The following MRPL2 variants were observed in gnomAD, a reference collection of about 807,000 sequenced individuals.
MRPL2 encodes the protein large ribosomal subunit protein uL2m.
Under a neutral mutation model 34.6 loss-of-function variants are expected in MRPL2, and 27 were observed. The observed-to-expected ratio is 0.78, with a 90% CI of 0.58 to 1.08. The LOEUF (loss-of-function observed/expected upper bound fraction) is 1.08, where lower values mean the gene tolerates loss of function less well. MRPL2 is among the 50% of genes least tolerant of loss of function. The probability of loss-of-function intolerance (pLI) is 0.00; values close to 1 mark genes in which losing one functional copy is unlikely to be tolerated. For missense variants in MRPL2, 414 were observed against 419.3 expected (o/e 0.99, Z 0.11); for synonymous variants, 155 against 158.0 (o/e 0.98, Z 0.14).
rs1056588689 is a variant in MRPL2 at position 43,058,173 on chromosome 6, C to T, written c.157G>A (p.Val53Ile). ...SALMLLPCRP[V>I]LTSVALNANF... ...GCATTAAGGGCCACAGAAGTAAGAACTGGGCGGCAGGGGAGCAACATCAAG... is the reference window on the plus strand; with the variant it reads ...GCATTAAGGGCCACAGAAGTAAGAATTGGGCGGCAGGGGAGCAACATCAAG... The change falls in exon 2 of 7, where the codon GTT becomes ATT. Residue 53 changes from valine to isoleucine, a missense_variant. Transcript: ENST00000388752. The T allele has an allele frequency of 1.9e-6, 3 of 1,614,196 alleles. No individual in the cohort carries two copies. The highest frequency in any genetic ancestry group is 2.5e-6 in the Non-Finnish European group (3 of 1,180,036).
upstream of MRPL2, chr6:43,059,492 G>C (rs1257399884): frequency 1.4e-6 from 2 of 1,448,276 alleles, no homozygotes; most frequent in East Asian, 5.0e-5. Flanking sequence ...GAAAACTGGA[G>C]CCCAAGCTGG....
Position 43,058,163 on chromosome 6 carries a change from G to A in MRPL2, c.167C>T (p.Ser56Phe). 1.2e-6 allele frequency: 2 copies of A among 1,614,206 alleles called. No homozygotes were observed. The highest frequency in any genetic ancestry group is 1.7e-6 in the Non-Finnish European group (2 of 1,180,038). Reference protein sequence around the residue: ...MLLPCRPVLTSVALNANFVSW... With the variant: ...MLLPCRPVLTFVALNANFVSW... ...CACAAAGTTGGCATTAAGGGCCACA[G>A]AAGTAAGAACTGGGCGGCAGGGGAG... Residue 56 changes from serine (S) to phenylalanine (F), a missense_variant, in exon 2 of 7, where the codon TCT (serine) becomes TTT (phenylalanine). Transcript: ENST00000388752.
chr6:43,056,264 G>A, intron 3 of MRPL2, 43 bp downstream of exon 3: 1 of 1,613,912 alleles, frequency 6.2e-7, no homozygotes, highest in Non-Finnish European at 8.5e-7. Context: ...AAGCTATGGA[G>A]TTATTCAGAC....
intron 1 of MRPL2, among the ~76,000 whole-genome samples, chr6:43,058,577 A>G (rs1311655775): frequency 2.0e-5 from 3 of 152,186 alleles, no homozygotes; most frequent in Non-Finnish European, 4.4e-5. Flanking sequence ...TCACATATGA[A>G]TGGAGGGGAG....
At position 43,056,084 on chromosome 6, in the gene MRPL2, C is replaced by T. The variant is rs778890217; in HGVS notation, c.517G>A (p.Ala173Thr). 5 of 1,614,198 alleles carry T rather than the reference C, an allele frequency of 3.1e-6. No individual in the cohort carries two copies. Among genetic ancestry groups the T allele is most frequent in the Non-Finnish European group, 3.4e-6 (4 of 1,180,040 alleles). ...ILNSNHIGRM[A>T]VAAREGDAHP... ...ACATCTGGTAGCCATCTCTCACCTG[C>T]CATTCGGCCTATGTGGTTAGAGTTC... Residue 173 changes from alanine (A) to threonine (T), a missense_variant, in exon 4 of 7, where the codon GCA becomes ACA. Coordinates refer to ENST00000388752, the MANE Select transcript of MRPL2 (RefSeq NM_015950.5).
upstream of MRPL2, chr6:43,059,690 G>A (rs1193348933): frequency 7.6e-7 from 1 of 1,320,550 alleles, no homozygotes; most frequent in Non-Finnish European, 9.6e-7. Context: ...TTGCAGGTGA[G>A]TCTTTGAGGG....
Position 43,059,403 on chromosome 6 carries a change from A to C in MRPL2, c.-22T>G. 6.5e-7 allele frequency: 1 copy of C among 1,527,344 alleles called. No homozygotes were observed. Among genetic ancestry groups the C allele is most frequent in the African/African-American group, 1.4e-5 (1 of 72,612 alleles). 94.6% of individuals were successfully genotyped at this position (1,527,344 alleles called of 1,614,324 possible). On this transcript the variant is annotated 5_prime_UTR_variant, in exon 1 of 7. Transcript: ENST00000388752. ...CCATCAGCACGACACCCTTACTTTT[A>C]GCCAAGCTGCTCGGTGCTCCTAGAT... is the stretch of plus-strand genomic sequence containing the variant.
In MRPL2 at chr6:43,054,519, A is replaced by G. The variant is rs780371603; in HGVS notation, c.706-33T>C. ...AGAAAACAGATGGAGATTCTGTACA[A>G]TGGGGGGGAAAGAGCTTGACAATGT... On this transcript the variant is annotated intron_variant, in intron 6 of 6. Coordinates refer to ENST00000388752, the MANE Select transcript of MRPL2 (RefSeq NM_015950.5). 9 of 1,576,650 alleles carry G rather than the reference A, an allele frequency of 5.7e-6. No individual in the cohort carries two copies. In the East Asian group the frequency reaches 2.0e-4, roughly 35 times the overall value.
intron 6 of MRPL2, among the ~76,000 whole-genome samples, 164 bp downstream of exon 6, chr6:43,055,381 G>T (rs1396564266): frequency 1.3e-5 from 2 of 152,044 alleles, no homozygotes; most frequent in Admixed American, 6.5e-5. Flanking sequence ...ATTAATTATG[G>T]TGCCAATCCG....
At chr6:43,059,838 G>T (rs560275367), upstream of MRPL2, 13 of 1,161,496 alleles carry the variant, frequency 1.1e-5, no homozygotes, top group South Asian at 3.4e-4. Context: ...CCCGCCCCTC[G>T]GCGTCCAGAC....
chr6:43,056,041 T>C, intron 4 of MRPL2, 34 bp from the exon 5 acceptor site: 2 of 1,614,178 alleles, frequency 1.2e-6, no homozygotes, highest in Non-Finnish European at 8.5e-7. Flanking sequence ...TCTAGAACTT[T>C]TGCTGCCTCC....
upstream of MRPL2, chr6:43,059,612 G>A (rs773589744): frequency 3.6e-4 from 230 of 644,866 alleles, no homozygotes; most frequent in Non-Finnish European, 5.6e-4. Context: ...CAAAACAATT[G>A]CCTCGAGCGG....
Position 43,054,384 on chromosome 6 carries a change from G to C in MRPL2, c.808C>G (p.Pro270Ala), listed in dbSNP as rs1177683648. The C allele has an allele frequency of 6.2e-7, 1 of 1,614,236 alleles. No homozygotes were observed. Residue 270 changes from proline (P) to alanine (A), a missense_variant, in exon 7 of 7, where the codon CCT (proline) becomes GCT (alanine). By Grantham distance (27) the Pro-to-Ala change is conservative (BLOSUM62 -1). Coordinates refer to ENST00000388752, the MANE Select transcript of MRPL2 (RefSeq NM_015950.5). ...TTGCGGTGCCACCGCCCACTGTTAG[G>C]CCTCTTGCCCAGCCAGCGGTTGCGA... ...AGRNRWLGKR[P>A]NSGRWHRKGG...
At position 43,054,395 on chromosome 6, in the gene MRPL2, A is replaced by C; in HGVS notation, c.797T>G (p.Leu266Arg). Reference sequence around the variant, plus strand: ...CCGCCCACTGTTAGGCCTCTTGCCCAGCCAGCGGTTGCGACCTGCCTTGCC... The same window carrying C: ...CCGCCCACTGTTAGGCCTCTTGCCCCGCCAGCGGTTGCGACCTGCCTTGCC... ...VIGKAGRNRW[L>R]GKRPNSGRWH... Residue 266 changes from leucine to arginine, a missense_variant, in exon 7 of 7, where the codon CTG becomes CGG. Leu to Arg is a moderately radical substitution (Grantham distance 102). Transcript: ENST00000388752. 2 of 1,614,228 alleles carry C rather than the reference A, an allele frequency of 1.2e-6. No individual in the cohort carries two copies. The highest frequency in any genetic ancestry group is 1.7e-6 in the Non-Finnish European group (2 of 1,180,040).
chr6:43,059,778 C>G (rs758772404), upstream of MRPL2: 87 of 1,193,468 alleles, frequency 7.3e-5, no homozygotes, highest in Non-Finnish European at 8.8e-5. Context: ...CCCCCTCCAA[C>G]CAACCTTACA....
At chr6:43,056,595 G>C (rs1219071357) in intron 2 of MRPL2, 150 bp from the exon 3 acceptor site, 1 of 779,146 alleles carries the variant, frequency 1.3e-6, no homozygotes, top group Admixed American at 2.7e-5. Context: ...ACTGGAGTAA[G>C]GAGGGGCAAC....
chr6:43,057,220 AC>A (rs2150345756), intron 2 of MRPL2, among the ~76,000 whole-genome samples: 1 of 151,554 alleles, frequency 6.6e-6, no homozygotes, highest in African/African-American at 2.4e-5. Context: ...TCGCTCTGTC[AC>A]CTGGGCTGGA....
upstream of MRPL2, chr6:43,059,794 C>A: frequency 8.5e-7 from 1 of 1,175,732 alleles, no homozygotes; most frequent in Non-Finnish European, 1.1e-6. Flanking sequence ...TTACAAAACT[C>A]CAGCCTCCAA....
At position 43,054,431 on chromosome 6, in the gene MRPL2, T is replaced by C. The variant is rs1205207558; in HGVS notation, c.761A>G (p.Lys254Arg). Residue 254 changes from lysine (K) to arginine (R), a missense_variant, in exon 7 of 7, where the codon AAA becomes AGA. By Grantham distance (26) the Lys-to-Arg change is conservative. Coordinates refer to ENST00000388752, the MANE Select transcript of MRPL2 (RefSeq NM_015950.5). Reference protein sequence around the residue: ...VGRVSNVDHNKRVIGKAGRNR... With the variant: ...VGRVSNVDHNRRVIGKAGRNR... ...GCGACCTGCCTTGCCAATGACCCGT[T>C]TGTTATGATCAACGTTGGATACTCG... 6.2e-7 allele frequency: 1 copy of C among 1,614,104 alleles called. No individual in the cohort carries two copies. The highest frequency in any genetic ancestry group is 1.1e-5 in the South Asian group (1 of 91,084).
Sources: allele counts gnomAD v4.1 joint callset (sites outside exome capture counted in the v4.1 genomes callset), GRCh38; gene constraint gnomAD v4.1.1; transcripts MANE v1.5; gene names NCBI Gene and HGNC (gene_info 2026-07-23, HGNC 2026-07-21).